The following SATL1 variants were observed in gnomAD, a reference collection of about 807,000 sequenced individuals.
SATL1 encodes spermidine/spermine N(1)-acetyltransferase-like protein 1.
SATL1 carries 47 observed loss-of-function variants against 51.8 expected under a neutral mutation model. The observed-to-expected ratio is 0.91, with a 90% CI of 0.72 to 1.16. SATL1 has a LOEUF of 1.16. Ranked by LOEUF, SATL1 falls within the 50% of genes most tolerant of loss-of-function variation. The pLI is 0.00. For missense variants in SATL1, 520 were observed against 526.4 expected (o/e 0.99, Z 0.12); for synonymous variants, 176 against 182.4 (o/e 0.97, Z 0.28).
intron 2 of SATL1, among the ~76,000 whole-genome samples, chrX:85,123,847 A>C (rs766690860): frequency 1.8e-5 from 2 of 111,739 alleles, no homozygotes; most frequent in South Asian, 3.7e-4. Context: ...CTTTTAATAA[A>C]AACAGCTGAT....
chrX:85,159,801 G>A (rs1323028799), intron 2 of SATL1, among the ~76,000 whole-genome samples: 1 of 110,929 alleles, frequency 9.0e-6, no homozygotes, highest in East Asian at 2.9e-4. Context: ...ACTGGCACCT[G>A]CTAGCATCCT....
chrX:85,167,079 A>G (rs1202984281), intron 2 of SATL1, among the ~76,000 whole-genome samples: 1 of 108,493 alleles, frequency 9.2e-6, no homozygotes, highest in Non-Finnish European at 1.9e-5. Flanking sequence ...AAGGAACAAA[A>G]TAATGGCATT....
intron 7 of SATL1, 149 bp from the exon 8 acceptor site, chrX:85,092,710 A>C: frequency 1.9e-6 from 1 of 516,740 alleles, no homozygotes; most frequent in Non-Finnish European, 2.9e-6. Flanking sequence ...ACTTTTCTAT[A>C]GCTGTAAAAA....
intron 2 of SATL1, among the ~76,000 whole-genome samples, chrX:85,197,448 G>C (rs1028633441): frequency 9.1e-6 from 1 of 109,319 alleles, no homozygotes; most frequent in Non-Finnish European, 1.9e-5. Context: ...TAGTCACTCT[G>C]TTATGCTACC....
intron 2 of SATL1, among the ~76,000 whole-genome samples, chrX:85,153,058 A>T (rs889992244): frequency 9.0e-6 from 1 of 111,126 alleles, no homozygotes; most frequent in Non-Finnish European, 1.9e-5. Flanking sequence ...CAGTATATGC[A>T]TCAGAGAACC....
chrX:85,150,122 A>G (rs1470748707), intron 2 of SATL1, among the ~76,000 whole-genome samples: 3 of 111,564 alleles, frequency 2.7e-5, no homozygotes. Flanking sequence ...ATAAAAAATG[A>G]TAAAGGGGAT....
At chrX:85,183,091 T>G (rs1020129943) in intron 2 of SATL1, among the ~76,000 whole-genome samples, 3 of 111,626 alleles carry the variant, frequency 2.7e-5, no homozygotes, top group Non-Finnish European at 5.7e-5. Context: ...TTGATCCCAT[T>G]TGTTTATTTT....
intron 2 of SATL1, among the ~76,000 whole-genome samples, chrX:85,184,698 C>T (rs1239337241): frequency 9.0e-6 from 1 of 111,727 alleles, no homozygotes; most frequent in Non-Finnish European, 1.9e-5. Context: ...TCACTTTGTT[C>T]ATCTTATCTG....
rs1483124438 is a variant in SATL1 at position 85,102,413 on chromosome X, G to A, written c.1693+1451C>T. 2.1e-4 allele frequency among the ~76,000 whole-genome samples: 23 copies of A among 111,601 alleles called. No homozygotes were observed. In the Admixed American group the frequency reaches 2.2e-3, roughly 11 times the overall value. ...TTGCACAACAATGGATGTATTGAAT[G>A]TCACTGAATTATACAGTTACAAATA... On this transcript the variant is annotated intron_variant, in intron 4 of 7. Coordinates refer to ENST00000644105, the MANE Select transcript of SATL1 (RefSeq NM_001367857.2).
intron 2 of SATL1, among the ~76,000 whole-genome samples, chrX:85,125,329 A>G (rs898113203): frequency 5.4e-5 from 6 of 111,081 alleles, no homozygotes; most frequent in African/African-American, 2.0e-4. Context: ...GAGTATAACA[A>G]AGATATCTAA....
chrX:85,149,502 C>T (rs1264989289), intron 2 of SATL1, among the ~76,000 whole-genome samples: 2 of 111,789 alleles, frequency 1.8e-5, no homozygotes, highest in Non-Finnish European at 3.8e-5. Context: ...CCCAAATCAA[C>T]AGAATATACA....
In SATL1 at chrX:85,095,010, T is replaced by G. The variant is rs771499903; in HGVS notation, c.1694-14A>C. 21 of 958,757 alleles carry G rather than the reference T, an allele frequency of 2.2e-5. No individual in the cohort carries two copies. Among genetic ancestry groups the G allele is most frequent in the Middle Eastern group, 5.2e-4 (2 of 3,818 alleles). 79.0% of individuals were successfully genotyped at this position (958,757 alleles called of 1,213,427 possible). A position where few individuals can be genotyped will look rare whatever the true frequency, so the allele number is the denominator to read the frequency against. On this transcript the variant is annotated splice_polypyrimidine_tract_variant and intron_variant, in intron 4 of 7. Transcript: ENST00000644105. ...CTCTGAGTAAATCTGAAATATCAATTCATATATAGGATGTCAGAAAGTTTA... is the reference window on the plus strand; with the variant it reads ...CTCTGAGTAAATCTGAAATATCAATGCATATATAGGATGTCAGAAAGTTTA...
chrX:85,151,326 C>T (rs992807148), intron 2 of SATL1, among the ~76,000 whole-genome samples: 5 of 111,236 alleles, frequency 4.5e-5, no homozygotes, highest in African/African-American at 9.8e-5. Flanking sequence ...AGGATACAAA[C>T]AAATGGAAGA....
chrX:85,109,583 C>T (rs774229563), intron 2 of SATL1, among the ~76,000 whole-genome samples: 1 of 111,763 alleles, frequency 8.9e-6, no homozygotes, highest in South Asian at 3.7e-4. Flanking sequence ...CCGCAACTCC[C>T]CTCCCTTTCC....
chrX:85,108,507 T>C lies in SATL1; in HGVS notation c.462A>G (p.Arg154=). The C allele has an allele frequency of 8.3e-7, 1 of 1,211,288 alleles. No homozygotes were observed. The highest frequency in any genetic ancestry group is 1.1e-6 in the Non-Finnish European group (1 of 895,352). The change falls in exon 3 of 8, where the codon AGA becomes AGG. Residue 154 remains arginine, a synonymous_variant. Transcript: ENST00000644105. ...TGCCTAATTGGCTGGTGCCTACTTG[T>C]CTCATGCTTGGTTGGCTCCCACCTG... ...SQSGGSQPSM[R]QVGTSQLGTS...
chrX:85,103,997 C>A (rs774970970), intron 3 of SATL1, 82 bp from the exon 4 acceptor site: 58 of 706,119 alleles, frequency 8.2e-5, no homozygotes, highest in Admixed American at 6.5e-4. Context: ...TTGTATTAAA[C>A]ATTTATTGAC....
chrX:85,129,970 A>C (rs998413029), intron 2 of SATL1, among the ~76,000 whole-genome samples: 1 of 111,732 alleles, frequency 8.9e-6, no homozygotes, highest in African/African-American at 3.3e-5. Context: ...TGTATGTTGA[A>C]CAGGCGTGCA....
intron 2 of SATL1, among the ~76,000 whole-genome samples, chrX:85,191,116 A>AGG (rs755534427): frequency 7.8e-5 from 7 of 89,754 alleles, no homozygotes; most frequent in African/African-American, 2.6e-4. Context: ...CTTAAAGTAT[A>AGG]ATAATAATAA....
intron 2 of SATL1, among the ~76,000 whole-genome samples, chrX:85,181,255 T>A (rs1182794647): frequency 9.3e-6 from 1 of 107,291 alleles, no homozygotes; most frequent in African/African-American, 3.4e-5. Context: ...TTGAGAAAAA[T>A]TCATCTAAGT....
Sources: allele counts gnomAD v4.1 joint callset (sites outside exome capture counted in the v4.1 genomes callset), GRCh38; gene constraint gnomAD v4.1.1; transcripts MANE v1.5; gene names NCBI Gene and HGNC (gene_info 2026-07-23, HGNC 2026-07-21).